The following DLG2 variants were observed in gnomAD, a reference collection of about 807,000 sequenced individuals.
DLG2 encodes discs large MAGUK scaffold protein 2, also known as disks large homolog 2.
In DLG2, 45 loss-of-function variants were observed where a neutral mutation model predicts 132.5. The ratio of observed to expected loss-of-function variants is 0.34; its 90% confidence interval spans 0.27 to 0.44. The LOEUF is 0.44. Among genes scored for constraint, DLG2 ranks in the 20% least tolerant of loss-of-function variants. DLG2 has a pLI of 1.00. For synonymous variants in DLG2, 424 were observed against 419.6 expected, an observed-to-expected ratio of 1.01 and a Z score of -0.13; for missense variants, 1,045 against 1,196.9, an observed-to-expected ratio of 0.87 and a Z score of 1.87.
At chr11:84,348,709 TGTA>T (rs2098549624) in intron 7 of DLG2, among the ~76,000 whole-genome samples, 1 of 152,200 alleles carries the variant, frequency 6.6e-6, no homozygotes, top group African/African-American at 2.4e-5. Flanking sequence ...TCTTTGTAAA[TGTA>T]GTCAATTTTA....
chr11:84,940,319 CT>C lies in DLG2; in HGVS notation c.357+171341del, dbSNP rs563933121. On this transcript the variant is annotated intron_variant, in intron 6 of 27. Transcript: ENST00000376104. ...GCATGTGCCACCACACCTGGCTAATCTTTTTGTATTTTTAGTAGAGACAGGG... is the reference window on the plus strand; with the variant it reads ...GCATGTGCCACCACACCTGGCTAATCTTTTGTATTTTTAGTAGAGACAGGG... 1.1e-3 allele frequency among the ~76,000 whole-genome samples: 164 copies of C among 152,104 alleles called. 2 individuals carry two copies. Among genetic ancestry groups the C allele is most frequent in the African/African-American group, 3.9e-3 (161 of 41,522 alleles).
chr11:85,438,750 G>C (rs1468220962), intron 3 of DLG2, among the ~76,000 whole-genome samples: 1 of 152,050 alleles, frequency 6.6e-6, no homozygotes, highest in Non-Finnish European at 1.5e-5. Context: ...ATGTACGTAG[G>C]TTCCAGTTTC....
At chr11:85,062,557 C>T (rs2064276645) in intron 6 of DLG2, among the ~76,000 whole-genome samples, 1 of 149,460 alleles carries the variant, frequency 6.7e-6, no homozygotes, top group South Asian at 2.1e-4. Context: ...AAAAAACTGA[C>T]AGGAAAGATA....
At chr11:85,065,663 C>T (rs1272240776) in intron 6 of DLG2, among the ~76,000 whole-genome samples, 5 of 150,910 alleles carry the variant, frequency 3.3e-5, no homozygotes, top group Admixed American at 1.3e-4. Flanking sequence ...CCAAGAGGAA[C>T]TCTCAAAAGT....
rs2084420338 is a variant in DLG2, at chr11:85,364,876, T to G, written c.41-79511A>C. On this transcript the variant is annotated intron_variant, in intron 3 of 27. Transcript: ENST00000376104. The stretch of plus-strand genomic sequence containing the variant: ...TTGTTTTTCCCTATCCTTCTGAGCT[T>G]TTTTTTTTGGTTCAGAGTTGGTACA... Among the ~76,000 whole-genome samples the G allele has an allele frequency of 2.0e-5, 3 of 150,596 alleles. No homozygotes were observed. The South Asian group carries it at 6.3e-4, about 31-fold the overall frequency.
Position 85,461,187 on chromosome 11 carries a change from C to A in DLG2, c.40+137470G>T, listed in dbSNP as rs545764643. ...AGGCTGTAGAGTACATATATATTAACATCATTTCTTCCTACTTATTGTAAA... is the reference window on the plus strand; with the variant it reads ...AGGCTGTAGAGTACATATATATTAAAATCATTTCTTCCTACTTATTGTAAA... On this transcript the variant is annotated intron_variant, in intron 3 of 27. Coordinates refer to ENST00000376104, the MANE Select transcript of DLG2 (RefSeq NM_001142699.3). 1.1e-4 allele frequency among the ~76,000 whole-genome samples: 16 copies of A among 152,314 alleles called. 1 individual carries two copies. The South Asian group carries it at 3.3e-3, about 32-fold the overall frequency.
chr11:85,191,199 C>CACACACACACACAG, intron 4 of DLG2, among the ~76,000 whole-genome samples: 1 of 151,082 alleles, frequency 6.6e-6, no homozygotes, highest in Non-Finnish European at 1.5e-5. Flanking sequence ...CACACACACA[C>CACACACACACACAG]ACACACGTTT....
chr11:84,874,415 T>C (rs1398514233), intron 6 of DLG2, among the ~76,000 whole-genome samples: 1 of 152,106 alleles, frequency 6.6e-6, no homozygotes, highest in Non-Finnish European at 1.5e-5. Context: ...AGAAGAGCAG[T>C]GAGGCTGCAG....
chr11:83,477,933 G>T (rs2092749610), intron 22 of DLG2, among the ~76,000 whole-genome samples: 1 of 151,972 alleles, frequency 6.6e-6, no homozygotes, highest in Non-Finnish European at 1.5e-5. Context: ...TGCCTAGCTA[G>T]CAAGTTCCTC....
chr11:84,259,117 C>G (rs1259347174), intron 7 of DLG2, among the ~76,000 whole-genome samples: 1 of 151,900 alleles, frequency 6.6e-6, no homozygotes, highest in East Asian at 1.9e-4. Context: ...ACTAAAGATA[C>G]AAAAATTAGC....
intron 3 of DLG2, among the ~76,000 whole-genome samples, chr11:85,574,257 C>A (rs1590921566): frequency 6.6e-6 from 1 of 151,906 alleles, no homozygotes; most frequent in East Asian, 1.9e-4. Context: ...TCTGCCTTTT[C>A]TCCCAAATTT....
chr11:84,266,417 C>G (rs1254290821), intron 7 of DLG2, among the ~76,000 whole-genome samples: 4 of 152,254 alleles, frequency 2.6e-5, no homozygotes, highest in East Asian at 3.9e-4. Context: ...TTGAACATCT[C>G]CATAGATTAA....
intron 6 of DLG2, among the ~76,000 whole-genome samples, chr11:84,930,178 C>T (rs933515665): frequency 6.6e-6 from 1 of 152,104 alleles, no homozygotes; most frequent in South Asian, 2.1e-4. Flanking sequence ...AGATCAGCCC[C>T]TACAGAGTCT....
intron 7 of DLG2, among the ~76,000 whole-genome samples, chr11:84,351,641 T>C (rs1247676232): frequency 6.6e-6 from 1 of 152,174 alleles, no homozygotes; most frequent in Admixed American, 6.5e-5. Context: ...ACTCCATAAG[T>C]CTGGTCCCTT....
chr11:84,128,800 G>GA (rs961623247), intron 9 of DLG2, among the ~76,000 whole-genome samples: 5 of 151,532 alleles, frequency 3.3e-5, no homozygotes, highest in Admixed American at 6.6e-5. Context: ...TCACAAGGGG[G>GA]AAAAAAAACA....
intron 19 of DLG2, among the ~76,000 whole-genome samples, chr11:83,570,916 C>T (rs956619276): frequency 1.3e-5 from 2 of 152,082 alleles, no homozygotes; most frequent in African/African-American, 4.8e-5. Flanking sequence ...GAGTTTTGCT[C>T]TTGTTGCCCA....
intron 7 of DLG2, among the ~76,000 whole-genome samples, chr11:84,342,728 C>G (rs988247546): frequency 3.9e-5 from 6 of 152,116 alleles, no homozygotes; most frequent in African/African-American, 1.4e-4. Flanking sequence ...AAACTCAACA[C>G]ATATATAGGC....
At chr11:85,578,904 T>C (rs2078333984) in intron 3 of DLG2, among the ~76,000 whole-genome samples, 1 of 152,158 alleles carries the variant, frequency 6.6e-6, no homozygotes. Context: ...AGAATATAAA[T>C]AGTTCTATTA....
intron 4 of DLG2, among the ~76,000 whole-genome samples, chr11:85,228,266 T>C (rs2075091790): frequency 1.3e-5 from 2 of 152,020 alleles, no homozygotes; most frequent in Non-Finnish European, 2.9e-5. Context: ...CAGGAAGAGC[T>C]AGCAAGTTCT....
Sources: allele counts gnomAD v4.1 joint callset (sites outside exome capture counted in the v4.1 genomes callset), GRCh38; gene constraint gnomAD v4.1.1; transcripts MANE v1.5; gene names NCBI Gene and HGNC (gene_info 2026-07-23, HGNC 2026-07-21).